CAMK4: variants seen among roughly 807,000 people sequenced by gnomAD.
The protein encoded by CAMK4 is calcium/calmodulin dependent protein kinase IV.
A neutral mutation model predicts 44.9 loss-of-function variants in CAMK4; 22 were observed. The ratio of observed to expected loss-of-function variants is 0.49; its 90% CI spans 0.35 to 0.70. The LOEUF is 0.70. Among genes scored for constraint, CAMK4 ranks in the 30% least tolerant of loss-of-function variants. The pLI is 0.01. For missense variants in CAMK4, 498 were observed against 586.8 expected (o/e 0.85, Z 1.56); for synonymous variants, 218 against 215.4 (o/e 1.01, Z -0.11).
chr5:111,469,747 A>G (rs1580796284), intron 7 of CAMK4, among the ~76,000 whole-genome samples: 2 of 152,194 alleles, frequency 1.3e-5, no homozygotes, highest in African/African-American at 4.8e-5. Flanking sequence ...GAGAAATGCA[A>G]CAGGTCTGCA....
chr5:111,297,974 C>T (rs1244399665), intron 1 of CAMK4, among the ~76,000 whole-genome samples: 1 of 152,170 alleles, frequency 6.6e-6, no homozygotes, highest in African/African-American at 2.4e-5. Context: ...TAGTAAATGG[C>T]ATCTGCTAAT....
intron 5 of CAMK4, among the ~76,000 whole-genome samples, chr5:111,439,887 C>G (rs568890286): frequency 2.1e-4 from 32 of 152,044 alleles, no homozygotes; most frequent in Non-Finnish European, 3.5e-4. Context: ...GAGAGACTAG[C>G]CAATGTAGTC....
chr5:111,419,794 T>A (rs1298820654), intron 5 of CAMK4, among the ~76,000 whole-genome samples: 2 of 152,178 alleles, frequency 1.3e-5, no homozygotes, highest in African/African-American at 4.8e-5. Context: ...TTCTGTTCCA[T>A]TGATCTATAT....
chr5:111,364,512 G>A (rs1750716015), intron 2 of CAMK4, among the ~76,000 whole-genome samples: 1 of 152,118 alleles, frequency 6.6e-6, no homozygotes, highest in Non-Finnish European at 1.5e-5. Flanking sequence ...CAAGCACATA[G>A]GTTTGTATTT....
rs563660693 is a variant in CAMK4, at chr5:111,321,818, C to G, written c.162-22206C>G. Among the ~76,000 whole-genome samples the G allele has an allele frequency of 2.0e-5, 3 of 152,216 alleles. No homozygotes were observed. In the South Asian group the frequency reaches 6.2e-4, roughly 32 times the overall value. ...ATGTTTAAAAAGCTGCCTGGAACAC[C>G]AAAGGGAAATTTCTTAATTCTGCCC... is the stretch of plus-strand genomic sequence containing the variant. On this transcript the variant is annotated intron_variant, in intron 1 of 10. Coordinates refer to ENST00000282356, the MANE Select transcript of CAMK4 (RefSeq NM_001744.6).
intron 7 of CAMK4, among the ~76,000 whole-genome samples, chr5:111,467,958 A>G (rs1185416464): frequency 2.0e-5 from 3 of 151,936 alleles, no homozygotes; most frequent in African/African-American, 4.8e-5. Context: ...ACACACACAC[A>G]CACACACACA....
chr5:111,250,700 G>A (rs1302627439), intron 1 of CAMK4, among the ~76,000 whole-genome samples: 2 of 151,866 alleles, frequency 1.3e-5, no homozygotes, highest in African/African-American at 4.8e-5. Flanking sequence ...TCCTCTCTCA[G>A]TTTTCCATTC....
chr5:111,325,846 T>G (rs1273986080), intron 1 of CAMK4, among the ~76,000 whole-genome samples: 1 of 151,950 alleles, frequency 6.6e-6, no homozygotes, highest in Non-Finnish European at 1.5e-5. Context: ...CTCTGATGAG[T>G]GAACCATGGG....
intron 7 of CAMK4, among the ~76,000 whole-genome samples, chr5:111,463,658 C>T (rs1422930787): frequency 6.6e-6 from 1 of 152,220 alleles, no homozygotes; most frequent in Admixed American, 6.5e-5. Context: ...AGATGGTTTA[C>T]ACCACAAGAC....
intron 1 of CAMK4, among the ~76,000 whole-genome samples, chr5:111,228,128 C>T (rs370109824): frequency 5.9e-5 from 9 of 152,152 alleles, no homozygotes; most frequent in African/African-American, 1.9e-4. Flanking sequence ...TAGTTTCTCA[C>T]TGTTGTTCCA....
rs148689225 is a variant in CAMK4 at position 111,267,775 on chromosome 5, C to G, written c.161+43131C>G. Among the ~76,000 whole-genome samples the G allele has an allele frequency of 9.5e-3, 1,439 of 151,772 alleles. 13 individuals carry two copies. Among genetic ancestry groups the G allele is most frequent in the Non-Finnish European group, 0.015 (1,041 of 67,984 alleles). On this transcript the variant is annotated intron_variant, in intron 1 of 10. Transcript: ENST00000282356. ...CAGGGGATGATAGAATTAGAATATCCCACGTTACAAACACAATAGCTCAGA... is the reference window on the plus strand; with the variant it reads ...CAGGGGATGATAGAATTAGAATATCGCACGTTACAAACACAATAGCTCAGA...
At chr5:111,309,632 A>G (rs960254670) in intron 1 of CAMK4, among the ~76,000 whole-genome samples, 1 of 152,122 alleles carries the variant, frequency 6.6e-6, no homozygotes, top group Admixed American at 6.5e-5. Context: ...GAGCTGTGGC[A>G]CAGGTTATTT....
chr5:111,328,489 T>C (rs573143264), intron 1 of CAMK4, among the ~76,000 whole-genome samples: 1 of 152,242 alleles, frequency 6.6e-6, no homozygotes, highest in South Asian at 2.1e-4. Context: ...GACTTGGCGA[T>C]GCGGGCTCTT....
At chr5:111,341,528 T>C (rs561114208) in intron 1 of CAMK4, among the ~76,000 whole-genome samples, 1 of 151,268 alleles carries the variant, frequency 6.6e-6, no homozygotes, top group South Asian at 2.1e-4. Context: ...TGTAGGACTA[T>C]TTTTGGATCC....
chr5:111,456,267 C>T (rs1754409655), intron 7 of CAMK4, among the ~76,000 whole-genome samples: 2 of 151,896 alleles, frequency 1.3e-5, no homozygotes, highest in East Asian at 1.9e-4. Flanking sequence ...TTTGGGAGGC[C>T]GAGGCGGGTG....
intron 2 of CAMK4, chr5:111,357,948 CTG>C (rs1196395672): frequency 6.6e-6 from 1 of 151,986 alleles, no homozygotes; most frequent in Non-Finnish European, 1.5e-5. Flanking sequence ...AATTCCAAAT[CTG>C]GGCATTTTTT....
chr5:111,357,236 C>T (rs1266926132), intron 2 of CAMK4, among the ~76,000 whole-genome samples: 1 of 152,100 alleles, frequency 6.6e-6, no homozygotes, highest in African/African-American at 2.4e-5. Flanking sequence ...AGTTTAAGAA[C>T]TTCTCAGAGA....
rs1231540930 is a variant in CAMK4, at chr5:111,448,234, AT to A, written c.551-893del. Reference sequence around the variant, plus strand: ...ATATTCTGAGAAATAAATAAAAAGGATTCTTACCAAAAAAATCTTATAGTCT... The same window carrying A: ...ATATTCTGAGAAATAAATAAAAAGGATCTTACCAAAAAAATCTTATAGTCT... On this transcript the variant is annotated intron_variant, in intron 6 of 10. Transcript: ENST00000282356. Among the ~76,000 whole-genome samples, 7 of 152,208 alleles carry A rather than the reference AT, an allele frequency of 4.6e-5. 1 individual carries two copies. The highest frequency in any genetic ancestry group is 1.0e-4 in the Non-Finnish European group (7 of 68,038).
At chr5:111,299,118 G>A (rs1240330787) in intron 1 of CAMK4, among the ~76,000 whole-genome samples, 1 of 152,232 alleles carries the variant, frequency 6.6e-6, no homozygotes, top group Non-Finnish European at 1.5e-5. Flanking sequence ...CTCGGCCTAG[G>A]AGGTGGAGTG....
Sources: gnomAD v4.1 joint callset for allele counts (sites outside exome capture counted in the v4.1 genomes callset) on GRCh38, gnomAD v4.1.1 for gene constraint, MANE v1.5 for transcripts, NCBI Gene and HGNC (gene_info 2026-07-23, HGNC 2026-07-21) for gene names.